Variants in TANC1 observed in about 807,000 individuals in gnomAD.
TANC1 encodes tetratricopeptide repeat, ankyrin repeat and coiled-coil containing 1, also known as protein TANC1.
In TANC1, 77 loss-of-function variants were observed where a neutral mutation model predicts 149.7. The ratio of observed to expected loss-of-function variants is 0.51; its 90% CI spans 0.43 to 0.62. TANC1 has a LOEUF of 0.62. Among genes scored for constraint, TANC1 ranks in the 20% least tolerant of loss-of-function variants. The pLI is 0.00. For synonymous variants in TANC1, 854 were observed against 925.0 expected (o/e 0.92, Z 1.39); for missense variants, 1,985 against 2,321.8 (o/e 0.85, Z 2.98).
intron 2 of TANC1, among the ~76,000 whole-genome samples, chr2:159,065,000 G>A (rs1486360420): frequency 6.6e-6 from 1 of 152,124 alleles, no homozygotes; most frequent in Non-Finnish European, 1.5e-5. Flanking sequence ...ATTAATAAAG[G>A]TGTGATGGTA....
At chr2:159,163,038 A>T (rs556768546) in intron 7 of TANC1, among the ~76,000 whole-genome samples, 1 of 152,302 alleles carries the variant, frequency 6.6e-6, no homozygotes, top group Non-Finnish European at 1.5e-5. Context: ...AATTTTTTTC[A>T]TTATCTTCCT....
chr2:159,075,415 A>C (rs1027943443), intron 3 of TANC1, among the ~76,000 whole-genome samples: 24 of 108,770 alleles, frequency 2.2e-4, no homozygotes, highest in Non-Finnish European at 3.4e-4. Flanking sequence ...AAAAAAAAAA[A>C]CAAAAAAAAA....
intron 2 of TANC1, among the ~76,000 whole-genome samples, chr2:159,062,584 A>G (rs566590138): frequency 6.6e-6 from 1 of 152,254 alleles, no homozygotes; most frequent in East Asian, 1.9e-4. Context: ...TCCATTGAGG[A>G]ATTTACCACT....
Position 159,150,484 on chromosome 2 carries a change from G to A in TANC1, c.610G>A (p.Ala204Thr), listed in dbSNP as rs1233549998. The A allele has an allele frequency of 1.2e-6, 2 of 1,614,086 alleles. No homozygotes were observed. Among genetic ancestry groups the A allele is most frequent in the Admixed American group, 1.7e-5 (1 of 60,012 alleles). ...TLNSCVSKTAANKSPCETISS... is the reference protein window; with the variant it reads ...TLNSCVSKTATNKSPCETISS... ...GAATAGCTGTGTCAGCAAGACGGCA[G>A]CCAACAAAAGTCCCTGTGAGACCAT... Residue 204 changes from alanine to threonine, a missense_variant, in exon 7 of 27, where the codon GCC (alanine) becomes ACC (threonine). By Grantham distance (58) the Ala-to-Thr change is moderately conservative (BLOSUM62 0). Transcript: ENST00000263635.
chr2:159,131,255 G>A (rs2050060989), intron 4 of TANC1, among the ~76,000 whole-genome samples: 1 of 152,098 alleles, frequency 6.6e-6, no homozygotes, highest in Admixed American at 6.6e-5. Flanking sequence ...AAAGAAAACG[G>A]CACTCATGAG....
intron 15 of TANC1, 139 bp from the exon 16 acceptor site, chr2:159,186,763 G>A (rs2056997888): frequency 2.9e-6 from 3 of 1,020,550 alleles, no homozygotes; most frequent in East Asian, 5.0e-5. Flanking sequence ...GGCATTCTTT[G>A]TGTGTGACCC....
At chr2:159,034,241 A>G (rs535481128) in intron 2 of TANC1, among the ~76,000 whole-genome samples, 1 of 152,102 alleles carries the variant, frequency 6.6e-6, no homozygotes, top group African/African-American at 2.4e-5. Flanking sequence ...CACACCTTGC[A>G]CCCACTCCAG....
intron 22 of TANC1, among the ~76,000 whole-genome samples, 182 bp downstream of exon 22, chr2:159,220,049 A>T (rs1324193515): frequency 6.8e-6 from 1 of 146,168 alleles, no homozygotes; most frequent in African/African-American, 2.5e-5. Flanking sequence ...ATTTTTCTCT[A>T]ATTCTGTGAC....
At chr2:158,981,123 C>T (rs547213708) in intron 1 of TANC1, among the ~76,000 whole-genome samples, 19 of 152,058 alleles carry the variant, frequency 1.2e-4, no homozygotes, top group South Asian at 6.2e-4. Context: ...TCTGCACTTC[C>T]GACCCCCTCT....
chr2:159,181,540 G>A (rs13009743), intron 14 of TANC1, among the ~76,000 whole-genome samples: 6 of 152,054 alleles, frequency 3.9e-5, no homozygotes, highest in African/African-American at 7.2e-5. Context: ...CTCGTGATCC[G>A]CCCGCCTCGG....
chr2:158,981,730 C>T (rs2034413969), intron 1 of TANC1, among the ~76,000 whole-genome samples: 1 of 151,110 alleles, frequency 6.6e-6, no homozygotes, highest in African/African-American at 2.4e-5. Context: ...GGGTGTTAAA[C>T]GTTTTTGGTG....
intron 11 of TANC1, 77 bp from the exon 12 acceptor site, chr2:159,174,876 T>C: frequency 9.0e-7 from 1 of 1,108,420 alleles, no homozygotes; most frequent in Non-Finnish European, 1.4e-6. Context: ...ATGGGCAGAG[T>C]TGTGTTCCTG....
rs555648723 is a variant in TANC1 at position 159,095,905 on chromosome 2, C to T, written c.62-1732C>T. 2.0e-5 allele frequency among the ~76,000 whole-genome samples: 3 copies of T among 152,116 alleles called. No homozygotes were observed. In the East Asian group the frequency reaches 5.8e-4, roughly 29 times the overall value. On this transcript the variant is annotated intron_variant, in intron 3 of 26. Coordinates refer to ENST00000263635, the MANE Select transcript of TANC1 (RefSeq NM_033394.3). ...TGGTCTGGTTTGTATCCCCTTTGAG[C>T]CTTGTACACAAAAATCTGCAGAATT...
At chr2:158,989,420 C>T (rs890394780) in intron 1 of TANC1, among the ~76,000 whole-genome samples, 17 of 151,294 alleles carry the variant, frequency 1.1e-4, no homozygotes, top group African/African-American at 4.1e-4. Context: ...AGCCTGGCAA[C>T]GTAGTGAGAC....
chr2:159,099,909 A>G (rs546286761), intron 4 of TANC1, among the ~76,000 whole-genome samples: 21 of 152,202 alleles, frequency 1.4e-4, no homozygotes, highest in Admixed American at 6.5e-5. Context: ...TGGTCCCTAT[A>G]TGTGTTAAGA....
intron 2 of TANC1, chr2:159,027,263 T>A (rs1282450926): frequency 2.0e-5 from 3 of 152,232 alleles, no homozygotes; most frequent in Non-Finnish European, 2.9e-5. Flanking sequence ...CTGAATGTGG[T>A]CAAAAGTAAC....
At chr2:159,179,433 T>G (rs1218834137) in intron 14 of TANC1, among the ~76,000 whole-genome samples, 1 of 152,034 alleles carries the variant, frequency 6.6e-6, no homozygotes, top group African/African-American at 2.4e-5. Flanking sequence ...TGTGTGGTCC[T>G]TCCTTACTGT....
At chr2:159,194,626 G>T (rs2057715152) in intron 17 of TANC1, 133 bp downstream of exon 17, 1 of 789,192 alleles carries the variant, frequency 1.3e-6, no homozygotes, top group Admixed American at 2.2e-5. Flanking sequence ...GGGCTCCAGG[G>T]ATTGGTCACT....
chr2:159,066,028 C>T (rs879129318), intron 3 of TANC1, 57 bp downstream of exon 3: 4 of 1,351,138 alleles, frequency 3.0e-6, no homozygotes, highest in Non-Finnish European at 4.3e-6. Context: ...AGCTGCTCCT[C>T]ACCCCAGGCC....
Sources: gnomAD v4.1 joint callset for allele counts (sites outside exome capture counted in the v4.1 genomes callset) on GRCh38, gnomAD v4.1.1 for gene constraint, MANE v1.5 for transcripts, NCBI Gene and HGNC (gene_info 2026-07-23, HGNC 2026-07-21) for gene names.